The following SLC4A4 variants were observed in gnomAD, a reference collection of about 807,000 sequenced individuals.
SLC4A4 encodes solute carrier family 4 member 4, also known as electrogenic sodium bicarbonate cotransporter 1.
A neutral mutation model predicts 111.5 loss-of-function variants in SLC4A4; 27 were observed. The ratio of observed to expected loss-of-function variants is 0.24; its 90% CI spans 0.18 to 0.33. SLC4A4 has a LOEUF of 0.33. Ranked by LOEUF, SLC4A4 falls within the 10% of genes least tolerant of loss-of-function variation. SLC4A4 has a pLI of 1.00. For missense variants in SLC4A4, 909 were observed against 1,315.5 expected, an observed-to-expected ratio of 0.69 and a Z score of 4.78; for synonymous variants, 443 against 463.4, an observed-to-expected ratio of 0.96 and a Z score of 0.57.
chr4:71,548,459 G>A (rs563182635), intron 20 of SLC4A4, among the ~76,000 whole-genome samples: 5 of 151,800 alleles, frequency 3.3e-5, no homozygotes, highest in Non-Finnish European at 7.4e-5. Context: ...GAAAGTTAGT[G>A]TATACCTCTT....
intron 16 of SLC4A4, among the ~76,000 whole-genome samples, chr4:71,499,261 A>G (rs931175876): frequency 1.3e-5 from 2 of 152,166 alleles, no homozygotes; most frequent in African/African-American, 4.8e-5. Context: ...TAATTTGCAA[A>G]ATAAACTAGT....
chr4:71,220,364 A>T (rs773445038), intron 1 of SLC4A4, among the ~76,000 whole-genome samples: 1 of 152,200 alleles, frequency 6.6e-6, no homozygotes, highest in Non-Finnish European at 1.5e-5. Context: ...TAACTTTTAT[A>T]TGCATTGGGA....
chr4:71,380,662 C>A (rs750823471), intron 6 of SLC4A4, among the ~76,000 whole-genome samples: 1 of 152,184 alleles, frequency 6.6e-6, no homozygotes, highest in African/African-American at 2.4e-5. Context: ...TGTTTTAAGC[C>A]ATGAGAATCA....
rs143491092 is a variant in SLC4A4, at chr4:71,463,977, T to A, written c.1498-2467T>A. Among the ~76,000 whole-genome samples the A allele has an allele frequency of 3.8e-4, 58 of 152,306 alleles. No individual in the cohort carries two copies. The East Asian group carries it at 0.01, about 27-fold the overall frequency. On this transcript the variant is annotated intron_variant, in intron 12 of 25. Coordinates refer to ENST00000264485, the MANE Select transcript of SLC4A4 (RefSeq NM_001098484.3). ...GTGCTGTTTTGATCCATAGTAGTGA[T>A]AAGAAATATCACTCTTTGCTTAATA...
At chr4:71,133,067 G>C (rs1227637811) in intron 2 of SLC4A4, among the ~76,000 whole-genome samples, 1 of 152,014 alleles carries the variant, frequency 6.6e-6, no homozygotes, top group Non-Finnish European at 1.5e-5. Context: ...TTTTTAACCA[G>C]GGTGAGATTT....
At chr4:71,240,687 G>C (rs1216558416) in intron 2 of SLC4A4, among the ~76,000 whole-genome samples, 1 of 152,138 alleles carries the variant, frequency 6.6e-6, no homozygotes, top group Admixed American at 6.5e-5. Flanking sequence ...GTCAGGGTCT[G>C]GGACAGGGTA....
At position 71,310,977 on chromosome 4, in the gene SLC4A4, G is replaced by A. The variant is rs182340167; in HGVS notation, c.254-28393G>A. Among the ~76,000 whole-genome samples the A allele has an allele frequency of 2.6e-5, 4 of 152,314 alleles. No individual in the cohort carries two copies. In the East Asian group the frequency reaches 7.7e-4, roughly 29 times the overall value. On this transcript the variant is annotated intron_variant, in intron 3 of 25. Coordinates refer to ENST00000264485, the MANE Select transcript of SLC4A4 (RefSeq NM_001098484.3). ...CACATACGCTCAAAATAAAGGGATG[G>A]AGGAATATTTACCAAGCAAATGGAA...
At chr4:71,096,418 A>G (rs1235000017) in intron 2 of SLC4A4, among the ~76,000 whole-genome samples, 2 of 152,206 alleles carry the variant, frequency 1.3e-5, no homozygotes, top group African/African-American at 4.8e-5. Context: ...GATGAGAAGG[A>G]CAGTTCAGAA....
At chr4:71,124,369 A>G (rs1743509935) in intron 2 of SLC4A4, among the ~76,000 whole-genome samples, 1 of 151,996 alleles carries the variant, frequency 6.6e-6, no homozygotes, top group Non-Finnish European at 1.5e-5. Context: ...ACGGGGTTTC[A>G]CCACATTGGC....
chr4:71,164,380 CAAAAA>C (rs766735805), intron 2 of SLC4A4, among the ~76,000 whole-genome samples: 1 of 65,074 alleles, frequency 1.5e-5, no homozygotes, highest in Non-Finnish European at 3.4e-5. Flanking sequence ...ACTCTGTCTC[CAAAAA>C]AAAAAAAAAA....
chr4:71,084,392 T>C (rs1020787915), intron 1 of SLC4A4, among the ~76,000 whole-genome samples: 2 of 152,100 alleles, frequency 1.3e-5, no homozygotes, highest in Non-Finnish European at 2.9e-5. Context: ...GACAGTTTTT[T>C]AAATTGTATT....
chr4:71,251,210 A>G (rs192083029), intron 2 of SLC4A4, among the ~76,000 whole-genome samples: 5 of 152,356 alleles, frequency 3.3e-5, no homozygotes, highest in Admixed American at 2.6e-4. Context: ...CATCCTTGGT[A>G]GCAAAATGTG....
intron 1 of SLC4A4, among the ~76,000 whole-genome samples, chr4:71,067,829 G>A (rs1741562743): frequency 6.6e-6 from 1 of 151,788 alleles, no homozygotes; most frequent in Non-Finnish European, 1.5e-5. Context: ...GCTCACCGCA[G>A]CCTTGACTCC....
chr4:71,300,485 A>T, intron 3 of SLC4A4: 1 of 249,800 alleles, frequency 4.0e-6, no homozygotes, highest in African/African-American at 2.3e-5. Flanking sequence ...AGTTCTGCCC[A>T]TGCTGACAAG....
intron 2 of SLC4A4, 127 bp from the exon 3 acceptor site, chr4:71,255,093 G>A: frequency 1.0e-6 from 1 of 966,524 alleles, no homozygotes; most frequent in East Asian, 2.4e-5. Flanking sequence ...TTTTTCTAGA[G>A]TTTGCCAAAT....
chr4:71,293,008 A>AT (rs1375353897), intron 3 of SLC4A4, among the ~76,000 whole-genome samples: 1 of 150,044 alleles, frequency 6.7e-6, no homozygotes, highest in African/African-American at 2.4e-5. Flanking sequence ...CGCCCGGCTA[A>AT]TTTTTTGTAT....
At chr4:71,121,068 C>T (rs896980392) in intron 2 of SLC4A4, among the ~76,000 whole-genome samples, 3 of 152,184 alleles carry the variant, frequency 2.0e-5, no homozygotes, top group African/African-American at 4.8e-5. Flanking sequence ...GGCTTAGCAC[C>T]CAGGCTAGCA....
chr4:71,325,612 A>T (rs1005419595), intron 3 of SLC4A4, among the ~76,000 whole-genome samples: 1 of 151,996 alleles, frequency 6.6e-6, no homozygotes, highest in Non-Finnish European at 1.5e-5. Context: ...CAGCATAATG[A>T]TTAATTTCTT....
chr4:71,336,690 T>A (rs1227581558), intron 3 of SLC4A4, among the ~76,000 whole-genome samples: 1 of 152,234 alleles, frequency 6.6e-6, no homozygotes, highest in Admixed American at 6.5e-5. Context: ...ACTCCTTGAA[T>A]GTGAAGTTTT....
Sources: gnomAD v4.1 joint callset for allele counts (sites outside exome capture counted in the v4.1 genomes callset) on GRCh38, gnomAD v4.1.1 for gene constraint, MANE v1.5 for transcripts, NCBI Gene and HGNC (gene_info 2026-07-23, HGNC 2026-07-21) for gene names.